The following HSPA14 variants were observed in gnomAD, a reference collection of about 807,000 sequenced individuals.
HSPA14 encodes the protein heat shock protein family A (Hsp70) member 14.
Under a neutral mutation model 65.5 loss-of-function variants are expected in HSPA14, and 37 were observed. The observed-to-expected ratio is 0.56, with a 90% CI of 0.43 to 0.74. The LOEUF (loss-of-function observed/expected upper bound fraction) is 0.74, where lower values mean the gene tolerates loss of function less well. HSPA14 is among the 30% of genes least tolerant of loss of function. HSPA14 has a pLI of 0.00. For missense variants in HSPA14, 564 were observed against 607.6 expected, an observed-to-expected ratio of 0.93 and a Z score of 0.75; for synonymous variants, 203 against 214.2, an observed-to-expected ratio of 0.95 and a Z score of 0.46.
chr10:14,865,768 G>A (rs1047752851), intron 10 of HSPA14, among the ~76,000 whole-genome samples: 4 of 152,092 alleles, frequency 2.6e-5, no homozygotes, highest in African/African-American at 4.8e-5. Flanking sequence ...AGCTTTGTTC[G>A]TTTGGCTTAG....
chr10:14,871,457 TA>T, intron 13 of HSPA14, 70 bp from the exon 14 acceptor site: 1 of 872,574 alleles, frequency 1.1e-6, no homozygotes, highest in Non-Finnish European at 1.9e-6. Flanking sequence ...AGCCCTCAAG[TA>T]ACTTGTTACA....
chr10:14,848,706 A>C (rs1262899669), intron 4 of HSPA14, 49 bp downstream of exon 4: 1 of 1,481,400 alleles, frequency 6.8e-7, no homozygotes, highest in East Asian at 2.3e-5. Context: ...GTAATTACCA[A>C]GGTGATAACA....
intron 3 of HSPA14, chr10:14,843,978 T>A (rs1382352106): frequency 1.3e-6 from 2 of 1,490,464 alleles, no homozygotes; most frequent in Non-Finnish European, 1.8e-6. Context: ...GCTCCTTTTC[T>A]GTGTCCTCAG....
In HSPA14 at chr10:14,870,486, A is replaced by T. The variant is rs185794341; in HGVS notation, c.1381-111A>T. 1.9e-4 allele frequency: 239 copies of T among 1,247,140 alleles called. 2 individuals are homozygous for T. The East Asian group carries it at 6.8e-3, about 36-fold the overall frequency. 77.3% of individuals were successfully genotyped at this position (1,247,140 alleles called of 1,614,324 possible). ...GGAGAATTGAAAACTGCCCTATTTT[A>T]AAAAGGTTTGTTTCAGTGATAAATA... On this transcript the variant is annotated intron_variant, in intron 12 of 13. Transcript: ENST00000378372.
At chr10:14,843,035 A>G (rs1833995073) in intron 3 of HSPA14, among the ~76,000 whole-genome samples, 1 of 152,228 alleles carries the variant, frequency 6.6e-6, no homozygotes, top group Non-Finnish European at 1.5e-5. Flanking sequence ...GCCCCTGGCA[A>G]CATAAGGTAT....
chr10:14,862,010 C>CAAAAAA (rs1209126963), intron 10 of HSPA14, among the ~76,000 whole-genome samples: 1 of 119,852 alleles, frequency 8.3e-6, no homozygotes. Flanking sequence ...GACTCTGTCT[C>CAAAAAA]AAAAAAAAAA....
chr10:14,857,045 A>G (rs1372057083), intron 10 of HSPA14, among the ~76,000 whole-genome samples: 4 of 152,046 alleles, frequency 2.6e-5, no homozygotes, highest in Non-Finnish European at 5.9e-5. Context: ...CTAATTCTGT[A>G]TGTACAGTTT....
Position 14,871,585 on chromosome 10 carries a change from C to G in HSPA14, c.1509C>G (p.Ile503Met), listed in dbSNP as rs1832854926. The G allele has an allele frequency of 1.9e-6, 3 of 1,584,612 alleles. No individual in the cohort carries two copies. Among genetic ancestry groups the G allele is most frequent in the Admixed American group, 1.7e-5 (1 of 57,450 alleles). Residue 503 changes from isoleucine to methionine, a missense_variant, in exon 14 of 14, where the codon ATC becomes ATG. Coordinates refer to ENST00000378372, the MANE Select transcript of HSPA14 (RefSeq NM_016299.4). ...AAGAAACTGGAAAATGTGAAGCAAT[C>G]TCTATTGAGATAGCATCTTAGTGTT... ...TDQETGKCEAISIEIAS is the reference protein window; with the variant it reads ...TDQETGKCEAMSIEIAS
chr10:14,855,800 C>T (rs1834141663), intron 9 of HSPA14, 41 bp from the exon 10 acceptor site: 11 of 1,003,546 alleles, frequency 1.1e-5, no homozygotes, highest in Admixed American at 2.1e-5. Flanking sequence ...TTCTCTTGTC[C>T]CTGTGTCTGT....
At position 14,839,992 on chromosome 10, in the gene HSPA14, G is replaced by T. The variant is rs770236053; in HGVS notation, c.138+7G>T. 1 of 1,600,364 alleles carries T rather than the reference G, an allele frequency of 6.2e-7. No individual in the cohort carries two copies. Among genetic ancestry groups the T allele is most frequent in the African/African-American group, 1.3e-5 (1 of 74,460 alleles). ...TTACTCAGAAAATGAAGAGGTACTA[G>T]TCCCCCCATTTTTGTACTTCTGAAA... On this transcript the variant is annotated splice_region_variant and intron_variant, in intron 2 of 13. Transcript: ENST00000378372.
chr10:14,847,589 G>A (rs1378804141), intron 3 of HSPA14, among the ~76,000 whole-genome samples: 1 of 152,162 alleles, frequency 6.6e-6, no homozygotes, highest in Non-Finnish European at 1.5e-5. Context: ...TGAGGAACCT[G>A]CAAGTATTCC....
At position 14,842,928 on chromosome 10, in the gene HSPA14, C is replaced by A; in HGVS notation, c.221+2771C>A. 1 of 1,012,246 alleles carries A rather than the reference C, an allele frequency of 9.9e-7. No individual in the cohort carries two copies. Among genetic ancestry groups the A allele is most frequent in the Non-Finnish European group, 1.4e-6 (1 of 707,908 alleles). The allele number at this position is 1,012,246 out of a possible 1,614,324, so 62.7% of individuals were successfully genotyped here. On this transcript the variant is annotated intron_variant, in intron 3 of 13. Transcript: ENST00000378372. The surrounding 1 kb of genome is among the most constrained non-coding windows in gnomAD (Gnocchi z 5.2). Reference sequence around the variant, plus strand: ...TAGCTGTGTCTGTTTGGATAGTGTCCTCTTCAGCATAGTTCCTGTTTCTGC... The same window carrying A: ...TAGCTGTGTCTGTTTGGATAGTGTCATCTTCAGCATAGTTCCTGTTTCTGC...
chr10:14,866,573 G>A (rs886184004), intron 10 of HSPA14, among the ~76,000 whole-genome samples: 23 of 152,154 alleles, frequency 1.5e-4, no homozygotes, highest in African/African-American at 4.3e-4. Context: ...GGTACCAGCC[G>A]CTTAAAATGC....
chr10:14,849,719 A>G lies in HSPA14; in HGVS notation c.377-2A>G, dbSNP rs1414476662. 6.3e-7 allele frequency: 1 copy of G among 1,593,000 alleles called. No individual in the cohort carries two copies. The highest frequency in any genetic ancestry group is 8.5e-7 in the Non-Finnish European group (1 of 1,170,542). The stretch of plus-strand genomic sequence containing the variant: ...CAGAATTTTATATTTTTTAATATGC[A>G]GAAACGGCACATTCTGTATTGGGCT... On this transcript the variant is annotated splice_acceptor_variant, in intron 5 of 13. Transcript: ENST00000378372. LOFTEE classifies it high-confidence loss of function.
In HSPA14 at chr10:14,869,733, T is replaced by C. The variant is rs1832838529; in HGVS notation, c.1381-864T>C. ...GCGCTTCCACATGAATTGGTTTGTG[T>C]GTGTCTAAGAACCTTCCCATGCACC... is the stretch of plus-strand genomic sequence containing the variant. On this transcript the variant is annotated intron_variant, in intron 12 of 13. Coordinates refer to ENST00000378372, the MANE Select transcript of HSPA14 (RefSeq NM_016299.4). Among the ~76,000 whole-genome samples, 4 of 152,376 alleles carry C rather than the reference T, an allele frequency of 2.6e-5. No individual in the cohort carries two copies. The South Asian group carries it at 8.3e-4, about 32-fold the overall frequency.
chr10:14,839,332 GGGAA>G (rs1833938770), intron 1 of HSPA14, among the ~76,000 whole-genome samples: 2 of 152,212 alleles, frequency 1.3e-5, no homozygotes, highest in Non-Finnish European at 2.9e-5. Flanking sequence ...CCAGCACTTT[GGGAA>G]GCCGAGGCAG....
intron 10 of HSPA14, among the ~76,000 whole-genome samples, chr10:14,865,682 T>C (rs919721287): frequency 1.3e-5 from 2 of 152,216 alleles, no homozygotes; most frequent in East Asian, 1.9e-4. Context: ...CATTGGTCTG[T>C]ATATCTGTTT....
intron 3 of HSPA14, chr10:14,844,951 T>C (rs1834030400): frequency 1.0e-6 from 1 of 985,480 alleles, no homozygotes; most frequent in African/African-American, 1.7e-5. Context: ...CAAGATTCCT[T>C]TTCCTCAGAT....
rs750314230 is a variant in HSPA14, at chr10:14,854,324, C to T, written c.890+44C>T. The T allele has an allele frequency of 2.5e-5, 37 of 1,484,120 alleles. No homozygotes were observed. In the East Asian group the frequency reaches 8.2e-4, roughly 33 times the overall value. 91.9% of individuals were successfully genotyped at this position (1,484,120 alleles called of 1,614,324 possible). ...AAACTTTTTTAAAAAATTCCAAGAA[C>T]ATGTTTGTTTAGGTATAATTTTCTT... On this transcript the variant is annotated intron_variant, in intron 9 of 13. Transcript: ENST00000378372.
Sources: allele counts gnomAD v4.1 joint callset (sites outside exome capture counted in the v4.1 genomes callset), GRCh38; gene constraint gnomAD v4.1.1; non-coding constraint Gnocchi (gnomAD v3.1); transcripts MANE v1.5; gene names NCBI Gene and HGNC (gene_info 2026-07-23, HGNC 2026-07-21).